Variants in NF2 observed in about 807,000 individuals in gnomAD.
The protein encoded by NF2 is NF2, moesin-ezrin-radixin like (MERLIN) tumor suppressor.
Under a neutral mutation model 83.7 loss-of-function variants are expected in NF2, and 8 were observed. That is an observed-to-expected ratio of 0.10 (90% confidence interval 0.06 to 0.17). NF2 has a LOEUF of 0.17. NF2 is among the 10% of genes least tolerant of loss of function. The probability of loss-of-function intolerance (pLI) is 1.00; values close to 1 mark genes in which losing one functional copy is unlikely to be tolerated. For missense variants in NF2, 533 were observed against 744.4 expected (o/e 0.72, Z 3.31); for synonymous variants, 266 against 269.6 (o/e 0.99, Z 0.13).
chr22:29,604,430 A>G (rs1178817515), intron 1 of NF2, among the ~76,000 whole-genome samples: 3 of 152,068 alleles, frequency 2.0e-5, no homozygotes, highest in Non-Finnish European at 2.9e-5. Context: ...ATTAGGTAAT[A>G]TTGTTATGTA....
At chr22:29,650,279 A>G (rs1569290490) in intron 4 of NF2, among the ~76,000 whole-genome samples, 1 of 152,236 alleles carries the variant, frequency 6.6e-6, no homozygotes, top group African/African-American at 2.4e-5. Context: ...AACTGATGTC[A>G]TAATTTAACT....
intron 15 of NF2, among the ~76,000 whole-genome samples, chr22:29,686,932 G>T (rs5763419): frequency 0.1 from 15,554 of 152,138 alleles, 2,173 homozygotes; most frequent in African/African-American, 0.31. Flanking sequence ...ATCAGGCTGG[G>T]GTTGAGGGAC....
At chr22:29,665,141 C>G (rs1412043322) in intron 9 of NF2, 77 bp downstream of exon 9, 1 of 1,109,706 alleles carries the variant, frequency 9.0e-7, no homozygotes, top group Non-Finnish European at 1.4e-6. Flanking sequence ...TAAAGGATAT[C>G]AGAGTGACAT....
In NF2 at chr22:29,685,054, G is replaced by A. The variant is rs140321666; in HGVS notation, c.1737+3453G>A. On this transcript the variant is annotated intron_variant, in intron 15 of 15. Coordinates refer to ENST00000338641, the MANE Select transcript of NF2 (RefSeq NM_000268.4). ...GGGATGAGATGCAAAAGCTGATAGTGAATGGAACAGTTTCCAATGTCCAAA... is the reference window on the plus strand; with the variant it reads ...GGGATGAGATGCAAAAGCTGATAGTAAATGGAACAGTTTCCAATGTCCAAA... 1.4e-4 allele frequency among the ~76,000 whole-genome samples: 21 copies of A among 151,422 alleles called. No individual in the cohort carries two copies. The East Asian group carries it at 4.0e-3, about 29-fold the overall frequency.
chr22:29,627,892 G>A (rs898901006), intron 1 of NF2, among the ~76,000 whole-genome samples: 3 of 152,072 alleles, frequency 2.0e-5, no homozygotes, highest in Non-Finnish European at 4.4e-5. Context: ...TTTAGAGAGA[G>A]GAAATCAGTA....
intron 15 of NF2, chr22:29,683,492 A>G: frequency 8.5e-7 from 1 of 1,171,798 alleles, no homozygotes; most frequent in South Asian, 2.7e-5. Flanking sequence ...ATGCGTTGAC[A>G]GCCTCTCAAG....
intron 7 of NF2, among the ~76,000 whole-genome samples, chr22:29,660,220 A>G (rs76843388): frequency 1.3e-5 from 2 of 151,988 alleles, no homozygotes; most frequent in African/African-American, 2.4e-5. Flanking sequence ...AGCCCAGGGC[A>G]CCCGCCGCGG....
chr22:29,622,518 C>T (rs2065239184), intron 1 of NF2, among the ~76,000 whole-genome samples: 1 of 152,012 alleles, frequency 6.6e-6, no homozygotes, highest in Non-Finnish European at 1.5e-5. Context: ...CAATTGGTAA[C>T]ATCTTTATTC....
chr22:29,652,219 T>C (rs1219112373), intron 4 of NF2, among the ~76,000 whole-genome samples: 1 of 152,178 alleles, frequency 6.6e-6, no homozygotes, highest in East Asian at 1.9e-4. Context: ...GTGCTCTCAT[T>C]TGACAAATGA....
intron 1 of NF2, among the ~76,000 whole-genome samples, chr22:29,630,637 CTCTT>C (rs1157811507): frequency 2.0e-5 from 3 of 152,208 alleles, no homozygotes; most frequent in Non-Finnish European, 2.9e-5. Flanking sequence ...GCTCCTTTCT[CTCTT>C]TCTTCTTCCC....
intron 1 of NF2, chr22:29,609,169 T>G (rs545184437): frequency 1.3e-6 from 1 of 750,368 alleles, no homozygotes; most frequent in East Asian, 2.5e-5. Context: ...AGGTTGGCCT[T>G]GCCATAAAAC....
chr22:29,603,896 G>A lies in NF2; in HGVS notation c.-103G>A. On this transcript the variant is annotated 5_prime_UTR_variant, in exon 1 of 16. Coordinates refer to ENST00000338641, the MANE Select transcript of NF2 (RefSeq NM_000268.4). ...AGACCGTTCCCGGGCCGGGCAGCCGGCCACCATGGTGGCCCTGAGGCCTGT... is the reference window on the plus strand; with the variant it reads ...AGACCGTTCCCGGGCCGGGCAGCCGACCACCATGGTGGCCCTGAGGCCTGT... The A allele has an allele frequency of 1.1e-6, 1 of 897,158 alleles. No individual in the cohort carries two copies. Among genetic ancestry groups the A allele is most frequent in the Admixed American group, 2.5e-5 (1 of 39,446 alleles). 55.6% of individuals were successfully genotyped at this position (897,158 alleles called of 1,614,324 possible).
At chr22:29,662,922 T>G (rs1161408024) in intron 8 of NF2, among the ~76,000 whole-genome samples, 1 of 152,224 alleles carries the variant, frequency 6.6e-6, no homozygotes, top group Admixed American at 6.5e-5. Flanking sequence ...GAACAGCTTA[T>G]GTTGCTGCCT....
intron 4 of NF2, among the ~76,000 whole-genome samples, chr22:29,644,926 G>A (rs949373540): frequency 1.3e-5 from 2 of 151,850 alleles, no homozygotes; most frequent in Non-Finnish European, 2.9e-5. Flanking sequence ...AGAGGGAGAG[G>A]GAGACCATGG....
chr22:29,609,111 C>G (rs2064882148), intron 1 of NF2: 1 of 749,592 alleles, frequency 1.3e-6, no homozygotes, highest in East Asian at 2.5e-5. Flanking sequence ...CTCGAGGAAA[C>G]TGAGAACCCA....
At chr22:29,614,580 T>TAAA (rs397868024) in intron 1 of NF2, among the ~76,000 whole-genome samples, 3 of 71,508 alleles carry the variant, frequency 4.2e-5, no homozygotes, top group Non-Finnish European at 9.9e-5. Flanking sequence ...AGACTCCATC[T>TAAA]AAAAAAAAAA....
chr22:29,614,552 G>C (rs890822697), intron 1 of NF2, among the ~76,000 whole-genome samples: 1 of 149,796 alleles, frequency 6.7e-6, no homozygotes, highest in African/African-American at 2.5e-5. Context: ...ACTGCACTCC[G>C]GCCTGGGCGA....
intron 15 of NF2, among the ~76,000 whole-genome samples, chr22:29,690,918 C>CT (rs1399962203): frequency 2.6e-5 from 4 of 152,206 alleles, no homozygotes; most frequent in African/African-American, 9.7e-5. Context: ...ATGGTTGGAC[C>CT]TTGTCTAGAT....
chr22:29,697,289 A>G lies in NF2; in HGVS notation c.*2487A>G, dbSNP rs550207111. 160 of 203,974 alleles carry G rather than the reference A, an allele frequency of 7.8e-4. 3 individuals carry two copies. The Admixed American group carries it at 8.8e-3, about 11-fold the overall frequency. 12.6% of individuals were successfully genotyped at this position (203,974 alleles called of 1,614,324 possible). On this transcript the variant is annotated 3_prime_UTR_variant, in exon 16 of 16. Coordinates refer to ENST00000338641, the MANE Select transcript of NF2 (RefSeq NM_000268.4). Reference sequence around the variant, plus strand: ...CCGTGTCTACTTCTGAAGTCTGGGAAGTGCCAAGCCACGCGGCCTCAAGGG... The same window carrying G: ...CCGTGTCTACTTCTGAAGTCTGGGAGGTGCCAAGCCACGCGGCCTCAAGGG...
Sources: allele counts gnomAD v4.1 joint callset (sites outside exome capture counted in the v4.1 genomes callset), GRCh38; gene constraint gnomAD v4.1.1; transcripts MANE v1.5; gene names NCBI Gene and HGNC (gene_info 2026-07-23, HGNC 2026-07-21).